SLC9A9: variants seen among roughly 807,000 people sequenced by gnomAD.
SLC9A9 encodes the protein solute carrier family 9 member A9, also known as sodium/hydrogen exchanger 9.
SLC9A9 carries 62 observed loss-of-function variants against 77.8 expected under a neutral mutation model. The ratio of observed to expected loss-of-function variants is 0.80; its 90% CI spans 0.65 to 0.98. The LOEUF (loss-of-function observed/expected upper bound fraction) is 0.98. Ranked by LOEUF, SLC9A9 falls within the 50% of genes least tolerant of loss-of-function variation. The pLI, the probability that SLC9A9 is intolerant of heterozygous loss-of-function variation, is 0.00. For synonymous variants in SLC9A9, 320 were observed against 283.5 expected, an observed-to-expected ratio of 1.13 and a Z score of -1.29; for missense variants, 775 against 774.9, an observed-to-expected ratio of 1.00 and a Z score of 0.00.
At chr3:143,698,333 A>G (rs908503514) in intron 4 of SLC9A9, among the ~76,000 whole-genome samples, 16 of 152,346 alleles carry the variant, frequency 1.1e-4, no homozygotes, top group African/African-American at 3.6e-4. Context: ...ACAAATATCC[A>G]ATTAGTAATA....
intron 2 of SLC9A9, among the ~76,000 whole-genome samples, chr3:143,831,221 A>AG (rs1335368305): frequency 6.6e-6 from 1 of 152,152 alleles, no homozygotes; most frequent in Non-Finnish European, 1.5e-5. Flanking sequence ...CTGAAAAAAA[A>AG]TCTCAAATAA....
chr3:143,270,760 A>T (rs1317476778), intron 14 of SLC9A9, among the ~76,000 whole-genome samples: 1 of 152,224 alleles, frequency 6.6e-6, no homozygotes. Context: ...CATACTGAAA[A>T]AGCCAAAATA....
chr3:143,439,578 C>T (rs188914168), intron 12 of SLC9A9, among the ~76,000 whole-genome samples: 4 of 152,328 alleles, frequency 2.6e-5, no homozygotes, highest in Admixed American at 1.3e-4. Flanking sequence ...GGAGGCATCT[C>T]GCTGTGGGTT....
At position 143,552,862 on chromosome 3, in the gene SLC9A9, C is replaced by T. The variant is rs1011346531; in HGVS notation, c.1001-412G>A. ...TATTTTCTGAAAGATATTTGCTTTC[C>T]GCTGTATACTTTGGGTAGCCTAAAG... is the stretch of plus-strand genomic sequence containing the variant. On this transcript the variant is annotated intron_variant, in intron 8 of 15. Transcript: ENST00000316549. Among the ~76,000 whole-genome samples the T allele has an allele frequency of 1.6e-4, 24 of 152,042 alleles. 1 individual carries two copies. Among genetic ancestry groups the T allele is most frequent in the African/African-American group, 4.8e-4 (20 of 41,368 alleles).
chr3:143,775,269 G>T (rs569361510), intron 4 of SLC9A9, among the ~76,000 whole-genome samples: 1 of 152,166 alleles, frequency 6.6e-6, no homozygotes, highest in Non-Finnish European at 1.5e-5. Context: ...CTTATATAGT[G>T]TTTGGCACTT....
intron 14 of SLC9A9, chr3:143,314,524 G>C (rs1187480775): frequency 6.6e-6 from 1 of 152,264 alleles, no homozygotes; most frequent in Non-Finnish European, 1.5e-5. Context: ...TGATTAGCAA[G>C]TATCGCTACA....
intron 14 of SLC9A9, among the ~76,000 whole-genome samples, chr3:143,341,317 T>C (rs1231811484): frequency 6.6e-6 from 1 of 152,104 alleles, no homozygotes; most frequent in African/African-American, 2.4e-5. Flanking sequence ...TTTGGGAGCC[T>C]CCAATGCCTG....
chr3:143,824,061 C>T (rs1167913411), intron 2 of SLC9A9, among the ~76,000 whole-genome samples: 3 of 152,112 alleles, frequency 2.0e-5, no homozygotes, highest in African/African-American at 2.4e-5. Context: ...TTAGTATTTG[C>T]GTGGTGCATT....
At chr3:143,323,085 T>C (rs1032340999) in intron 14 of SLC9A9, among the ~76,000 whole-genome samples, 3 of 152,196 alleles carry the variant, frequency 2.0e-5, no homozygotes, top group African/African-American at 7.2e-5. Flanking sequence ...TAACAAATGT[T>C]GGTGAGGATT....
At chr3:143,723,808 G>T (rs1049166913) in intron 4 of SLC9A9, among the ~76,000 whole-genome samples, 2 of 152,176 alleles carry the variant, frequency 1.3e-5, no homozygotes, top group Admixed American at 6.6e-5. Flanking sequence ...GCAGCATCCT[G>T]GTTACCTGAG....
At chr3:143,670,776 T>A (rs948849866) in intron 5 of SLC9A9, among the ~76,000 whole-genome samples, 6 of 152,248 alleles carry the variant, frequency 3.9e-5, no homozygotes, top group African/African-American at 1.4e-4. Flanking sequence ...CTCTTTAGAC[T>A]GGGAGCATGC....
rs2037940608 is a variant in SLC9A9 at position 143,607,034 on chromosome 3, G to T, written c.756-28311C>A. ...TCAACCAGAGAGAAAAGACAGATTA[G>T]CTAAAAAATAGAATAACAATTACAG... On this transcript the variant is annotated intron_variant, in intron 6 of 15. Coordinates refer to ENST00000316549, the MANE Select transcript of SLC9A9 (RefSeq NM_173653.4). 3.3e-5 allele frequency among the ~76,000 whole-genome samples: 5 copies of T among 151,520 alleles called. No homozygotes were observed. The South Asian group carries it at 1.0e-3, about 32-fold the overall frequency.
intron 2 of SLC9A9, among the ~76,000 whole-genome samples, chr3:143,819,007 G>A (rs1435965066): frequency 2.6e-5 from 4 of 152,112 alleles, no homozygotes; most frequent in East Asian, 1.9e-4. Flanking sequence ...GCTTGAACCC[G>A]GGAGGTGGAG....
At chr3:143,433,903 T>C (rs2034573471) in intron 12 of SLC9A9, among the ~76,000 whole-genome samples, 1 of 152,200 alleles carries the variant, frequency 6.6e-6, no homozygotes. Context: ...TTCTATACCT[T>C]TGCATGCCAG....
intron 6 of SLC9A9, among the ~76,000 whole-genome samples, chr3:143,607,216 T>G (rs1261875021): frequency 6.6e-6 from 1 of 152,242 alleles, no homozygotes; most frequent in South Asian, 2.1e-4. Flanking sequence ...AATAGATTTT[T>G]AAGCAAAAGA....
chr3:143,507,659 G>C (rs2036044516), intron 9 of SLC9A9, among the ~76,000 whole-genome samples: 1 of 152,162 alleles, frequency 6.6e-6, no homozygotes. Flanking sequence ...TTTTGTCTTT[G>C]TAATTAGCCT....
At chr3:143,750,220 T>A (rs2006662218) in intron 4 of SLC9A9, among the ~76,000 whole-genome samples, 1 of 152,216 alleles carries the variant, frequency 6.6e-6, no homozygotes, top group South Asian at 2.1e-4. Flanking sequence ...CAATTCTAAC[T>A]TCAGTTAAAA....
intron 12 of SLC9A9, among the ~76,000 whole-genome samples, chr3:143,431,234 G>A (rs2034507383): frequency 6.6e-6 from 1 of 152,188 alleles, no homozygotes; most frequent in African/African-American, 2.4e-5. Context: ...GCCCTGGGAA[G>A]CCTTCCCTGG....
At chr3:143,768,920 C>T (rs1283750240) in intron 4 of SLC9A9, among the ~76,000 whole-genome samples, 1 of 152,152 alleles carries the variant, frequency 6.6e-6, no homozygotes. Context: ...ACAATCAGAT[C>T]TTTTAGTCTG....
Sources: allele counts gnomAD v4.1 joint callset (sites outside exome capture counted in the v4.1 genomes callset), GRCh38; gene constraint gnomAD v4.1.1; transcripts MANE v1.5; gene names NCBI Gene and HGNC (gene_info 2026-07-23, HGNC 2026-07-21).